Variants in SI observed in about 807,000 individuals in gnomAD.
SI encodes sucrase-isomaltase, also known as sucrase-isomaltase, intestinal.
In SI, 235 loss-of-function variants were observed where a neutral mutation model predicts 253.3. That is an observed-to-expected ratio of 0.93 (90% confidence interval 0.83 to 1.03). The LOEUF (loss-of-function observed/expected upper bound fraction) is 1.03, where lower values mean the gene tolerates loss of function less well. Among genes scored for constraint, SI ranks in the 50% least tolerant of loss-of-function variants. The pLI, the probability that SI is intolerant of heterozygous loss-of-function variation, is 0.00. For synonymous variants in SI, 819 were observed against 712.0 expected, an observed-to-expected ratio of 1.15 and a Z score of -2.39; for missense variants, 2,442 against 2,211.1, an observed-to-expected ratio of 1.10 and a Z score of -2.09.
At chr3:165,072,176 T>C (rs1264459167) in intron 3 of SI, among the ~76,000 whole-genome samples, 1 of 151,974 alleles carries the variant, frequency 6.6e-6, no homozygotes, top group East Asian at 1.9e-4. Flanking sequence ...ATTAAGGAAA[T>C]TTTTAGAAAA....
At chr3:165,053,694 A>G (rs78486344) in intron 13 of SI, among the ~76,000 whole-genome samples, 1,558 of 152,228 alleles carry the variant, frequency 0.01, 26 homozygotes, top group African/African-American at 0.035. Context: ...TTCTCAATGA[A>G]TGCAAGAAAT....
intron 21 of SI, 49 bp from the exon 22 acceptor site, chr3:165,036,526 A>T: frequency 7.7e-7 from 1 of 1,293,666 alleles, no homozygotes; most frequent in Admixed American, 1.7e-5. Context: ...AATCCATAAT[A>T]ATACAATATC....
chr3:164,981,706 A>AT (rs1181801145), intron 47 of SI, among the ~76,000 whole-genome samples: 6 of 152,006 alleles, frequency 3.9e-5, no homozygotes, highest in Middle Eastern at 3.2e-3. Flanking sequence ...ATTTACTTGC[A>AT]TTTTTTTCTA....
chr3:164,997,606 C>A (rs1260795406), intron 38 of SI, among the ~76,000 whole-genome samples: 1 of 151,636 alleles, frequency 6.6e-6, no homozygotes, highest in African/African-American at 2.4e-5. Flanking sequence ...AAGCATAGTA[C>A]TTGACAGGCT....
chr3:164,979,523 G>A (rs1463693157), intron 47 of SI, 93 bp from the exon 48 acceptor site: 4 of 684,292 alleles, frequency 5.8e-6, no homozygotes, highest in East Asian at 2.8e-5. Flanking sequence ...CTAATAAATA[G>A]TATATACCTT....
At chr3:165,057,853 T>C (rs1213497342) in intron 12 of SI, among the ~76,000 whole-genome samples, 1 of 152,062 alleles carries the variant, frequency 6.6e-6, no homozygotes, top group East Asian at 1.9e-4. Flanking sequence ...GAGAATTCTT[T>C]GTACAGCATT....
intron 46 of SI, 36 bp from the exon 47 acceptor site, chr3:164,982,446 T>G (rs768997154): frequency 1.1e-5 from 17 of 1,509,222 alleles, no homozygotes; most frequent in Non-Finnish European, 1.6e-5. Context: ...ATAAACACTT[T>G]ATTTGCAAAA....
chr3:164,988,513 G>T (rs903818755), intron 44 of SI, among the ~76,000 whole-genome samples: 1 of 152,058 alleles, frequency 6.6e-6, no homozygotes, highest in African/African-American at 2.4e-5. Flanking sequence ...CTTATGAATG[G>T]TCTCCTCCAT....
chr3:165,032,149 T>TAA (rs1169693189), intron 24 of SI, among the ~76,000 whole-genome samples: 1 of 151,228 alleles, frequency 6.6e-6, no homozygotes, highest in Non-Finnish European at 1.5e-5. Flanking sequence ...ACCAATTTGT[T>TAA]AAAGAGTCTA....
intron 40 of SI, among the ~76,000 whole-genome samples, chr3:164,995,618 T>G (rs1717975994): frequency 6.6e-6 from 1 of 151,766 alleles, no homozygotes; most frequent in Admixed American, 6.6e-5. Flanking sequence ...TCATTGGGTA[T>G]TTTACTTTGT....
At chr3:164,982,494 A>C in intron 46 of SI, 84 bp from the exon 47 acceptor site, 1 of 949,660 alleles carries the variant, frequency 1.1e-6, no homozygotes, top group Non-Finnish European at 1.7e-6. Flanking sequence ...TTAACCAAAA[A>C]TGTATTTCGT....
Position 165,037,996 on chromosome 3 carries a change from C to T in SI, c.2330G>A (p.Arg777Gln), listed in dbSNP as rs778878703. The change falls in exon 21 of 48, where the codon CGG becomes CAG. Residue 777 changes from arginine (R) to glutamine (Q), a missense_variant. Physicochemically the swap from Arg to Gln is conservative, Grantham distance 43. Coordinates refer to ENST00000264382, the MANE Select transcript of SI (RefSeq NM_001041.4). ...SGAKRPWRKQ[R>Q]VDMYLPADKI... ...GTCTGCTGGAAGATACATATCAACC[C>T]GTTGTTTCCTCCATGGCCTTTTTGC... The T allele has an allele frequency of 3.7e-6, 6 of 1,604,144 alleles. No individual in the cohort carries two copies. The highest frequency in any genetic ancestry group is 3.3e-5 in the Admixed American group (2 of 59,772).
chr3:164,993,378 T>C lies in SI; in HGVS notation c.4841+879A>G, dbSNP rs191290645. Reference sequence around the variant, plus strand: ...ATTTGAATCCAGAAAGAATCTTTTGTTGTTGTTTTAGGAAAACTGGATCGC... The same window carrying C: ...ATTTGAATCCAGAAAGAATCTTTTGCTGTTGTTTTAGGAAAACTGGATCGC... On this transcript the variant is annotated intron_variant, in intron 41 of 47. Coordinates refer to ENST00000264382, the MANE Select transcript of SI (RefSeq NM_001041.4). Among the ~76,000 whole-genome samples the C allele has an allele frequency of 3.6e-5, 5 of 137,508 alleles. No individual in the cohort carries two copies. The East Asian group carries it at 9.7e-4, about 27-fold the overall frequency. 90.2% of individuals were successfully genotyped at this position (137,508 alleles called of 152,430 possible).
At chr3:165,030,429 C>A (rs145833046) in intron 25 of SI, among the ~76,000 whole-genome samples, 194 of 151,094 alleles carry the variant, frequency 1.3e-3, no homozygotes, top group African/African-American at 4.3e-3. Flanking sequence ...TAGAGTGTAA[C>A]TCTCAGACAG....
In SI at chr3:165,033,452, G is replaced by T; in HGVS notation, c.2516-8C>A. The T allele has an allele frequency of 6.5e-7, 1 of 1,531,316 alleles. No individual in the cohort carries two copies. The highest frequency in any genetic ancestry group is 1.3e-5 in the South Asian group (1 of 77,326). The allele number at this position is 1,531,316 out of a possible 1,614,324, so 94.9% of individuals were successfully genotyped here. A position where few individuals can be genotyped will look rare whatever the true frequency, so the allele number is the denominator to read the frequency against. The stretch of plus-strand genomic sequence containing the variant: ...TGCCATTTTGTATTGTATCTGAAAT[G>T]AAAAATATCGTGATCAGTACAAAAT... On this transcript the variant is annotated splice_region_variant and splice_polypyrimidine_tract_variant and intron_variant, in intron 22 of 47. Transcript: ENST00000264382.
intron 3 of SI, among the ~76,000 whole-genome samples, chr3:165,072,026 C>T (rs1446468628): frequency 6.6e-6 from 1 of 151,978 alleles, no homozygotes; most frequent in Non-Finnish European, 1.5e-5. Flanking sequence ...GCAAACATGT[C>T]CTTTCTAATA....
intron 12 of SI, among the ~76,000 whole-genome samples, chr3:165,056,704 T>C (rs930813969): frequency 1.3e-5 from 2 of 152,072 alleles, no homozygotes; most frequent in African/African-American, 4.8e-5. Flanking sequence ...CACCCATAGG[T>C]GGAGCATTTA....
At chr3:164,980,501 G>C (rs923317540) in intron 47 of SI, among the ~76,000 whole-genome samples, 3 of 151,876 alleles carry the variant, frequency 2.0e-5, no homozygotes, top group African/African-American at 7.2e-5. Flanking sequence ...GAAAGAAATT[G>C]ACCATCCTCT....
chr3:164,986,744 C>T (rs964001641), intron 45 of SI, among the ~76,000 whole-genome samples: 7 of 152,088 alleles, frequency 4.6e-5, no homozygotes, highest in African/African-American at 1.7e-4. Flanking sequence ...AGTGTCACTC[C>T]TTTTTGTCAC....
Sources: allele counts gnomAD v4.1 joint callset (sites outside exome capture counted in the v4.1 genomes callset), GRCh38; gene constraint gnomAD v4.1.1; transcripts MANE v1.5; gene names NCBI Gene and HGNC (gene_info 2026-07-23, HGNC 2026-07-21).